The following PTPRD variants were observed in gnomAD, a reference collection of about 807,000 sequenced individuals.
PTPRD encodes the protein receptor-type tyrosine-protein phosphatase delta.
PTPRD carries 34 observed loss-of-function variants against 214.5 expected under a neutral mutation model. The ratio of observed to expected loss-of-function variants is 0.16; its 90% CI spans 0.12 to 0.21. The LOEUF (loss-of-function observed/expected upper bound fraction) is 0.21. PTPRD is among the 10% of genes least tolerant of loss of function. PTPRD has a pLI of 1.00. For synonymous variants in PTPRD, 1,128 were observed against 845.7 expected (o/e 1.33, Z -5.79); for missense variants, 2,545 against 2,398.7 (o/e 1.06, Z -1.27).
intron 7 of PTPRD, among the ~76,000 whole-genome samples, chr9:9,697,928 T>C (rs575127088): frequency 6.6e-5 from 10 of 152,200 alleles, no homozygotes; most frequent in Non-Finnish European, 1.2e-4. Flanking sequence ...TCCATTCTGC[T>C]ATTGAGAGAC....
chr9:9,035,156 T>C (rs887626417), intron 10 of PTPRD, among the ~76,000 whole-genome samples: 9 of 152,088 alleles, frequency 5.9e-5, no homozygotes, highest in African/African-American at 2.2e-4. Flanking sequence ...GGTCCTCTGC[T>C]CAGTGAACAC....
intron 3 of PTPRD, among the ~76,000 whole-genome samples, chr9:10,263,166 G>A (rs1467014337): frequency 6.6e-6 from 1 of 152,080 alleles, no homozygotes; most frequent in East Asian, 1.9e-4. Context: ...TTTATCAGCA[G>A]CATAGCAACA....
At chr9:9,898,500 G>A (rs1331340872) in intron 5 of PTPRD, among the ~76,000 whole-genome samples, 1 of 151,954 alleles carries the variant, frequency 6.6e-6, no homozygotes, top group African/African-American at 2.4e-5. Context: ...CCGCATCAAG[G>A]ATTACTTCAT....
At chr9:8,906,499 G>A (rs2098708688) in intron 11 of PTPRD, among the ~76,000 whole-genome samples, 5 of 152,160 alleles carry the variant, frequency 3.3e-5, no homozygotes, top group Admixed American at 3.3e-4. Context: ...AGAAGTAAAT[G>A]AGATAATGCT....
intron 10 of PTPRD, among the ~76,000 whole-genome samples, chr9:9,099,600 A>C (rs999171480): frequency 7.9e-5 from 12 of 152,212 alleles, no homozygotes; most frequent in African/African-American, 2.9e-4. Flanking sequence ...ACTACCGGGC[A>C]GGTAGCAGAT....
intron 3 of PTPRD, among the ~76,000 whole-genome samples, chr9:10,301,027 G>A (rs140870042): frequency 7.9e-5 from 12 of 152,186 alleles, no homozygotes; most frequent in Middle Eastern, 3.4e-3. Context: ...TCTGGCTGGC[G>A]TCTGGCAATT....
chr9:10,183,847 A>G (rs1423360036), intron 3 of PTPRD, among the ~76,000 whole-genome samples: 1 of 152,214 alleles, frequency 6.6e-6, no homozygotes, highest in African/African-American at 2.4e-5. Context: ...AATGCATATT[A>G]AAAAGTAAAG....
intron 7 of PTPRD, among the ~76,000 whole-genome samples, chr9:9,599,272 C>T (rs1023679850): frequency 7.9e-5 from 12 of 151,982 alleles, no homozygotes; most frequent in African/African-American, 2.2e-4. Flanking sequence ...TTCCGATGCT[C>T]GTTAGGAATA....
At chr9:8,411,642 A>G (rs1436164324) in intron 35 of PTPRD, among the ~76,000 whole-genome samples, 1 of 152,208 alleles carries the variant, frequency 6.6e-6, no homozygotes, top group Non-Finnish European at 1.5e-5. Context: ...ATTTTCCTGA[A>G]TATTACTAAA....
intron 12 of PTPRD, among the ~76,000 whole-genome samples, chr9:8,677,835 G>A (rs1036077509): frequency 6.6e-6 from 1 of 152,050 alleles, no homozygotes. Flanking sequence ...GGACTCACTT[G>A]GGAAGCGAGC....
intron 2 of PTPRD, among the ~76,000 whole-genome samples, chr9:10,530,037 G>A (rs944791051): frequency 3.9e-5 from 6 of 152,040 alleles, no homozygotes; most frequent in African/African-American, 7.2e-5. Context: ...AAACCTGCAT[G>A]TTCTGCACAT....
intron 3 of PTPRD, among the ~76,000 whole-genome samples, chr9:10,276,163 A>C (rs763639366): frequency 1.6e-4 from 24 of 152,204 alleles, no homozygotes; most frequent in Non-Finnish European, 3.2e-4. Context: ...CAGTCATTTC[A>C]AAAAATAATT....
intron 2 of PTPRD, among the ~76,000 whole-genome samples, chr9:10,378,332 T>C (rs781268602): frequency 6.6e-6 from 1 of 152,076 alleles, no homozygotes; most frequent in Non-Finnish European, 1.5e-5. Flanking sequence ...ATCCCTTCTG[T>C]CCATTTTTGC....
chr9:9,179,449 T>G (rs1186444397), intron 10 of PTPRD, among the ~76,000 whole-genome samples: 9 of 152,136 alleles, frequency 5.9e-5, no homozygotes, highest in Non-Finnish European at 1.0e-4. Context: ...GAAAGCTCAC[T>G]TAACCAAATT....
At chr9:9,307,038 T>C (rs559457046) in intron 9 of PTPRD, among the ~76,000 whole-genome samples, 1 of 152,304 alleles carries the variant, frequency 6.6e-6, no homozygotes, top group Non-Finnish European at 1.5e-5. Flanking sequence ...TGTTCAGCAA[T>C]TACATGTGAA....
intron 11 of PTPRD, among the ~76,000 whole-genome samples, chr9:8,932,125 A>AT (rs2098957187): frequency 6.6e-6 from 1 of 151,846 alleles, no homozygotes; most frequent in African/African-American, 2.4e-5. Flanking sequence ...GGATTCGTTG[A>AT]TTTTTTGAAG....
chr9:8,462,240 T>C (rs73426305), intron 32 of PTPRD, among the ~76,000 whole-genome samples: 5,035 of 152,110 alleles, frequency 0.033, 252 homozygotes, highest in African/African-American at 0.12. Flanking sequence ...GAATGGATAC[T>C]GATTTTACCT....
intron 11 of PTPRD, among the ~76,000 whole-genome samples, chr9:8,820,063 G>T (rs10977312): frequency 6.6e-6 from 1 of 152,062 alleles, no homozygotes; most frequent in African/African-American, 2.4e-5. Flanking sequence ...TTCTCTGTTT[G>T]TAAGAGCAGA....
At chr9:8,970,451 T>A (rs1015070392) in intron 11 of PTPRD, among the ~76,000 whole-genome samples, 1 of 151,860 alleles carries the variant, frequency 6.6e-6, no homozygotes, top group Non-Finnish European at 1.5e-5. Context: ...CAAAAGATTA[T>A]AAAAAGTCAA....
Sources: allele counts gnomAD v4.1 joint callset (sites outside exome capture counted in the v4.1 genomes callset), GRCh38; gene constraint gnomAD v4.1.1; transcripts MANE v1.5; gene names NCBI Gene and HGNC (gene_info 2026-07-23, HGNC 2026-07-21).